IQSEC1: variants seen among roughly 807,000 people sequenced by gnomAD.
The protein encoded by IQSEC1 is IQ motif and Sec7 domain ArfGEF 1, also known as IQ motif and SEC7 domain-containing protein 1.
A neutral mutation model predicts 91.0 loss-of-function variants in IQSEC1; 31 were observed. The observed-to-expected ratio is 0.34, with a 90% confidence interval of 0.26 to 0.46. The LOEUF is 0.46. Among genes scored for constraint, IQSEC1 ranks in the 20% least tolerant of loss-of-function variants. IQSEC1 has a pLI of 1.00. For missense variants in IQSEC1, 1,388 were observed against 1,575.6 expected (o/e 0.88, Z 2.02); for synonymous variants, 699 against 662.6 (o/e 1.05, Z -0.84).
In IQSEC1 at chr3:12,924,675, C is replaced by A; in HGVS notation, c.1636G>T (p.Ala546Ser). 6.2e-7 allele frequency: 1 copy of A among 1,609,978 alleles called. No individual in the cohort carries two copies. Among genetic ancestry groups the A allele is most frequent in the Non-Finnish European group, 8.5e-7 (1 of 1,178,054 alleles). ...CCCTTGCGCTGCAGCAGGAAGTGGGCCACCCCGACGGGCGTGTCGGGCACA... is the reference window on the plus strand; with the variant it reads ...CCCTTGCGCTGCAGCAGGAAGTGGGACACCCCGACGGGCGTGTCGGGCACA... The part of the protein sequence containing the change: ...GFVPDTPVGV[A>S]HFLLQRKGLS... The change falls in exon 4 of 14, where the codon GCC becomes TCC. Residue 546 changes from alanine to serine, a missense_variant. By Grantham distance (99) the Ala-to-Ser change is moderately conservative. Transcript: ENST00000613206. This position sits in a 1 kb window ranked among gnomAD's most constrained non-coding sequence, Gnocchi z 6.3.
At chr3:13,177,935 C>T (rs952821667) in intron 1 of IQSEC1, among the ~76,000 whole-genome samples, 1 of 152,226 alleles carries the variant, frequency 6.6e-6, no homozygotes, top group Non-Finnish European at 1.5e-5. Flanking sequence ...AGAAAAGAAG[C>T]CCCCTGCATC....
chr3:13,232,755 A>G (rs28491116), intron 1 of IQSEC1, among the ~76,000 whole-genome samples: 8,292 of 152,332 alleles, frequency 0.054, 647 homozygotes, highest in East Asian at 0.35. Flanking sequence ...CAGTGTCCAC[A>G]GCTGAGTGGA....
intron 1 of IQSEC1, among the ~76,000 whole-genome samples, chr3:13,267,545 C>T (rs186036154): frequency 4.6e-5 from 7 of 152,010 alleles, no homozygotes; most frequent in Admixed American, 1.3e-4. Flanking sequence ...TCTGGAAAAA[C>T]GGAGATTAAA....
intron 1 of IQSEC1, among the ~76,000 whole-genome samples, chr3:13,266,794 C>T (rs918980481): frequency 5.9e-5 from 9 of 152,250 alleles, no homozygotes; most frequent in South Asian, 4.1e-4. Context: ...TCCCTAACAA[C>T]GCTCGCTGCC....
intron 2 of IQSEC1, among the ~76,000 whole-genome samples, chr3:13,102,323 C>A (rs989067257): frequency 6.6e-6 from 1 of 151,996 alleles, no homozygotes; most frequent in Non-Finnish European, 1.5e-5. Context: ...GCCTTCCATG[C>A]GAACAAACAC....
At chr3:13,014,462 G>A (rs1336981947) in intron 1 of IQSEC1, among the ~76,000 whole-genome samples, 1 of 152,254 alleles carries the variant, frequency 6.6e-6, no homozygotes, top group African/African-American at 2.4e-5. Context: ...AGGGCACTGA[G>A]CAGCCTTCTG....
chr3:13,009,768 G>A (rs554852796), intron 1 of IQSEC1, among the ~76,000 whole-genome samples: 5 of 151,322 alleles, frequency 3.3e-5, no homozygotes, highest in Admixed American at 2.0e-4. Context: ...CTGACAGTGC[G>A]TTGAGAGCCG....
At chr3:12,929,175 G>T (rs1353216085) in intron 3 of IQSEC1, among the ~76,000 whole-genome samples, 3 of 152,210 alleles carry the variant, frequency 2.0e-5, no homozygotes, top group Admixed American at 6.5e-5. Context: ...CTTTCTGTGT[G>T]TCTGTATAAT....
At chr3:13,153,607 A>T (rs93201) in intron 2 of IQSEC1, among the ~76,000 whole-genome samples, 2 of 151,982 alleles carry the variant, frequency 1.3e-5, no homozygotes, top group Non-Finnish European at 2.9e-5. Flanking sequence ...CTCCTGGCCA[A>T]TTCCTGTGGT....
At chr3:13,270,818 A>G (rs1034188330) in intron 1 of IQSEC1, among the ~76,000 whole-genome samples, 1 of 152,214 alleles carries the variant, frequency 6.6e-6, no homozygotes. Flanking sequence ...AATGTAGATT[A>G]AACACTCCAA....
At chr3:12,903,432 CA>C (rs1694601228) in intron 12 of IQSEC1, among the ~76,000 whole-genome samples, 1 of 152,232 alleles carries the variant, frequency 6.6e-6, no homozygotes. Flanking sequence ...GGGCAGGAGA[CA>C]GGGTTGGGGA....
intron 2 of IQSEC1, among the ~76,000 whole-genome samples, chr3:13,100,883 C>T (rs1306469489): frequency 6.7e-6 from 1 of 148,808 alleles, no homozygotes; most frequent in African/African-American, 2.5e-5. Context: ...AAAGGCCACT[C>T]AGCCAGTGCT....
At chr3:13,101,818 G>C (rs867650152) in intron 2 of IQSEC1, among the ~76,000 whole-genome samples, 3 of 152,238 alleles carry the variant, frequency 2.0e-5, no homozygotes, top group Middle Eastern at 6.8e-3. Flanking sequence ...TATTGTTTCA[G>C]AGATAAACCC....
At chr3:13,223,909 G>T (rs1428052671) in intron 1 of IQSEC1, among the ~76,000 whole-genome samples, 1 of 152,174 alleles carries the variant, frequency 6.6e-6, no homozygotes, top group African/African-American at 2.4e-5. Flanking sequence ...TGGAGTCACC[G>T]GACATTAATG....
At chr3:13,041,227 G>C (rs914992998) in intron 1 of IQSEC1, among the ~76,000 whole-genome samples, 4 of 137,432 alleles carry the variant, frequency 2.9e-5, no homozygotes, top group African/African-American at 1.1e-4. Flanking sequence ...GGGGCGGGGG[G>C]TGGGGTGAAA....
chr3:12,934,699 C>A (rs908436256), intron 3 of IQSEC1, among the ~76,000 whole-genome samples: 1 of 152,136 alleles, frequency 6.6e-6, no homozygotes, highest in Non-Finnish European at 1.5e-5. Flanking sequence ...CTCAGCCCTC[C>A]TCCCCTTCCT....
Position 13,266,579 on chromosome 3 carries a change from AG to A in IQSEC1, c.272+16131del, listed in dbSNP as rs1401083572. Reference sequence around the variant, plus strand: ...GCAGCTCCGATGATGGGGAGGAAGCAGCTTTTTTTTTTTTTCAATAAAATCA... The same window carrying A: ...GCAGCTCCGATGATGGGGAGGAAGCACTTTTTTTTTTTTTCAATAAAATCA... On this transcript the variant is annotated intron_variant, in intron 1 of 15. Coordinates refer to the IQSEC1 transcript ENST00000648114. Among the ~76,000 whole-genome samples, 6 of 148,300 alleles carry A rather than the reference AG, an allele frequency of 4.0e-5. No individual in the cohort carries two copies. The East Asian group carries it at 1.2e-3, about 29-fold the overall frequency.
Position 13,263,406 on chromosome 3 carries a change from A to T in IQSEC1, c.272+19305T>A, listed in dbSNP as rs180676472. On this transcript the variant is annotated intron_variant, in intron 1 of 15. Coordinates refer to the IQSEC1 transcript ENST00000648114. ...CACAACCCTCCTTTGGGGGGAAAAA[A>T]GTACCTGACACTTTTTTTTTTGGGG... Among the ~76,000 whole-genome samples, 10 of 135,020 alleles carry T rather than the reference A, an allele frequency of 7.4e-5. No homozygotes were observed. The Admixed American group carries it at 8.2e-4, about 11-fold the overall frequency. 88.6% of individuals were successfully genotyped at this position (135,020 alleles called of 152,430 possible).
chr3:13,081,817 G>A (rs1186287264), intron 2 of IQSEC1, among the ~76,000 whole-genome samples: 1 of 152,140 alleles, frequency 6.6e-6, no homozygotes, highest in Non-Finnish European at 1.5e-5. Flanking sequence ...TCCTCTCTGA[G>A]CCTGCTTTCC....
Sources: allele counts gnomAD v4.1 joint callset (sites outside exome capture counted in the v4.1 genomes callset), GRCh38; gene constraint gnomAD v4.1.1; non-coding constraint Gnocchi (gnomAD v3.1); transcripts MANE v1.5; gene names NCBI Gene and HGNC (gene_info 2026-07-23, HGNC 2026-07-21).